The following RERE variants were observed in gnomAD, a reference collection of about 807,000 sequenced individuals.
The protein encoded by RERE is arginine-glutamic acid dipeptide repeats protein.
Under a neutral mutation model 146.1 loss-of-function variants are expected in RERE, and 40 were observed. The observed-to-expected ratio is 0.27, with a 90% CI of 0.21 to 0.36. RERE has a LOEUF of 0.36. RERE is among the 10% of genes least tolerant of loss of function. The pLI is 1.00. For missense variants in RERE, 1,933 were observed against 2,138.7 expected (o/e 0.90, Z 1.90); for synonymous variants, 1,003 against 866.0 (o/e 1.16, Z -2.78).
intron 4 of RERE, among the ~76,000 whole-genome samples, chr1:8,590,525 C>T (rs1382148015): frequency 6.6e-6 from 1 of 152,110 alleles, no homozygotes; most frequent in East Asian, 1.9e-4. Context: ...GCCAGAGATG[C>T]CCTGGGAACA....
chr1:8,661,076 A>G (rs952355330), intron 1 of RERE, among the ~76,000 whole-genome samples: 1 of 87,936 alleles, frequency 1.1e-5, no homozygotes, highest in Non-Finnish European at 2.3e-5. Flanking sequence ...TGGGAAATCT[A>G]AGGGGGACAC....
At chr1:8,666,228 G>A (rs1638570860) in intron 1 of RERE, among the ~76,000 whole-genome samples, 1 of 152,236 alleles carries the variant, frequency 6.6e-6, no homozygotes, top group African/African-American at 2.4e-5. Flanking sequence ...AGTTGTTAGT[G>A]TCGGCCAAAC....
At chr1:8,706,272 ACTCAGT>A (rs953197997) in intron 1 of RERE, among the ~76,000 whole-genome samples, 5 of 151,908 alleles carry the variant, frequency 3.3e-5, no homozygotes, top group Non-Finnish European at 5.9e-5. Context: ...ACATAACAAG[ACTCAGT>A]CTCTAAAAAA....
chr1:8,654,980 T>A, intron 2 of RERE, among the ~76,000 whole-genome samples: 1 of 152,204 alleles, frequency 6.6e-6, no homozygotes, highest in Non-Finnish European at 1.5e-5. Context: ...AAGGCTTTGC[T>A]AGTGTTCAAC....
intron 1 of RERE, among the ~76,000 whole-genome samples, chr1:8,759,032 C>T (rs1023900804): frequency 4.6e-5 from 7 of 152,120 alleles, no homozygotes; most frequent in African/African-American, 1.7e-4. Context: ...TTCCCAACTA[C>T]TCAGATGCTG....
At chr1:8,792,096 G>GA (rs796978270) in intron 1 of RERE, among the ~76,000 whole-genome samples, 2,392 of 139,924 alleles carry the variant, frequency 0.017, 63 homozygotes, top group African/African-American at 0.057. Context: ...TCAAAAGAAG[G>GA]AAAAAAAAAA....
intron 1 of RERE, among the ~76,000 whole-genome samples, chr1:8,812,152 A>G (rs1318570397): frequency 6.6e-6 from 1 of 152,248 alleles, no homozygotes; most frequent in African/African-American, 2.4e-5. Context: ...AAAGTCATGT[A>G]TATAACTACT....
chr1:8,556,478 A>T lies in RERE; in HGVS notation c.722T>A (p.Leu241His). 1 of 1,584,228 alleles carries T rather than the reference A, an allele frequency of 6.3e-7. No homozygotes were observed. The highest frequency in any genetic ancestry group is 8.7e-7 in the Non-Finnish European group (1 of 1,152,806). Residue 241 changes from leucine (L) to histidine (H), a missense_variant, in exon 6 of 23, where the codon CTT (leucine) becomes CAT (histidine). By Grantham distance (99) the Leu-to-His change is moderately conservative. Around this residue, in one of 11 missense-constraint regions of RERE, gnomAD observed 37 missense variants for 46.6 expected, o/e 0.79. Coordinates refer to ENST00000400908, the MANE Select transcript of RERE (RefSeq NM_001042681.2). ...AGAGCACGTCTCCAGTACTTACCTA[A>T]GGGCAGCAGCATGGTAAGTGTCAAC... ...DYVDTYHAAA[L>H]RGKCNISHFS...
intron 12 of RERE, among the ~76,000 whole-genome samples, chr1:8,398,914 C>T (rs981459875): frequency 3.9e-5 from 6 of 152,218 alleles, no homozygotes; most frequent in African/African-American, 1.4e-4. Context: ...AACAACCTCA[C>T]TTCTACTTAG....
intron 7 of RERE, among the ~76,000 whole-genome samples, chr1:8,533,226 G>C (rs1184611958): frequency 6.6e-6 from 1 of 152,192 alleles, no homozygotes; most frequent in African/African-American, 2.4e-5. Context: ...GGTAGTAAAG[G>C]GTGGACCCCT....
intron 1 of RERE, among the ~76,000 whole-genome samples, chr1:8,749,257 A>T (rs1413907385): frequency 6.6e-6 from 1 of 152,214 alleles, no homozygotes; most frequent in Non-Finnish European, 1.5e-5. Flanking sequence ...TGTGAAGGAG[A>T]TCATTGTGAG....
intron 12 of RERE, among the ~76,000 whole-genome samples, chr1:8,411,284 T>C (rs935274066): frequency 9.9e-5 from 15 of 151,768 alleles, no homozygotes; most frequent in African/African-American, 3.1e-4. Context: ...ACCTGATAGA[T>C]TTACAAGATC....
At chr1:8,729,427 G>T (rs1280823250) in intron 1 of RERE, among the ~76,000 whole-genome samples, 1 of 151,460 alleles carries the variant, frequency 6.6e-6, no homozygotes, top group Non-Finnish European at 1.5e-5. Flanking sequence ...GTTTCACCAC[G>T]TTGGCCAGGC....
In RERE at chr1:8,358,490, G is replaced by A. The variant is rs1488007934; in HGVS notation, c.4045C>T (p.Arg1349Trp). 6.9e-6 allele frequency: 11 copies of A among 1,587,262 alleles called. No individual in the cohort carries two copies. The highest frequency in any genetic ancestry group is 5.1e-6 in the Non-Finnish European group (6 of 1,166,784). Reference protein sequence around the residue: ...PAANPMEHFARHSALTIPPTA... With the variant: ...PAANPMEHFAWHSALTIPPTA... ...GGGGGGATGGTGAGGGCGCTGTGCC[G>A]GGCAAAGTGCTCCATGGGGTTGGCG... Residue 1349 changes from arginine to tryptophan, a missense_variant, in exon 20 of 23, where the codon CGG (arginine) becomes TGG (tryptophan). Transcript: ENST00000400908.
chr1:8,809,157 A>AAAAAAAAAT (rs985140466), intron 1 of RERE, among the ~76,000 whole-genome samples: 5 of 146,120 alleles, frequency 3.4e-5, no homozygotes, highest in African/African-American at 1.4e-4. Context: ...AAAAAAAAAA[A>AAAAAAAAAT]AAAGTACTGA....
At chr1:8,708,918 T>G (rs915486429) in intron 1 of RERE, among the ~76,000 whole-genome samples, 2 of 136,152 alleles carry the variant, frequency 1.5e-5, no homozygotes, top group African/African-American at 2.8e-5. Context: ...TTTTTTTTTT[T>G]TTTTTTTTTT....
intron 1 of RERE, among the ~76,000 whole-genome samples, chr1:8,796,186 A>G (rs1329291685): frequency 6.6e-6 from 1 of 152,158 alleles, no homozygotes; most frequent in Non-Finnish European, 1.5e-5. Flanking sequence ...GGCACTACAC[A>G]AGAATACATG....
chr1:8,393,794 A>T (rs999371529), intron 12 of RERE, among the ~76,000 whole-genome samples: 1 of 152,242 alleles, frequency 6.6e-6, no homozygotes, highest in Non-Finnish European at 1.5e-5. Flanking sequence ...ATGGATTACT[A>T]GTATCCAGGT....
intron 4 of RERE, among the ~76,000 whole-genome samples, chr1:8,560,387 C>T (rs1032412601): frequency 1.2e-4 from 18 of 152,170 alleles, no homozygotes; most frequent in African/African-American, 3.9e-4. Flanking sequence ...TGAGAAATCA[C>T]TGGTCTAGTA....
Sources: gnomAD v4.1 joint callset for allele counts (sites outside exome capture counted in the v4.1 genomes callset) on GRCh38, gnomAD v4.1.1 for gene constraint, gnomAD v4.1.1 regional missense constraint, MANE v1.5 for transcripts, NCBI Gene and HGNC (gene_info 2026-07-23, HGNC 2026-07-21) for gene names.